Variants in CDK14 observed in about 807,000 individuals in gnomAD.
CDK14 encodes the protein cyclin dependent kinase 14, also known as cyclin-dependent kinase 14.
In CDK14, 34 loss-of-function variants were observed where a neutral mutation model predicts 60.7. That is an observed-to-expected ratio of 0.56 (90% confidence interval 0.43 to 0.75). CDK14 has a LOEUF of 0.75. Ranked by LOEUF, CDK14 falls within the 30% of genes least tolerant of loss-of-function variation. The pLI, the probability that CDK14 is intolerant of heterozygous loss-of-function variation, is 0.00. For synonymous variants in CDK14, 197 were observed against 203.7 expected (o/e 0.97, Z 0.28); for missense variants, 482 against 564.1 (o/e 0.85, Z 1.47).
At chr7:90,974,750 G>T (rs1236145829) in intron 9 of CDK14, among the ~76,000 whole-genome samples, 1 of 151,996 alleles carries the variant, frequency 6.6e-6, no homozygotes, top group African/African-American at 2.4e-5. Context: ...TTGAAAATAT[G>T]CATCAAATGC....
At chr7:90,826,114 A>G (rs1325611999) in intron 5 of CDK14, among the ~76,000 whole-genome samples, 3 of 152,232 alleles carry the variant, frequency 2.0e-5, no homozygotes, top group South Asian at 4.1e-4. Context: ...ACTAGGACAA[A>G]GCTCTTAAAT....
chr7:91,062,686 C>G (rs1797840906), intron 11 of CDK14, among the ~76,000 whole-genome samples: 1 of 152,142 alleles, frequency 6.6e-6, no homozygotes, highest in Admixed American at 6.5e-5. Flanking sequence ...AGGAGGTCCT[C>G]TCACTAGGGA....
At chr7:90,879,626 C>G (rs1429959081) in intron 6 of CDK14, among the ~76,000 whole-genome samples, 2 of 152,026 alleles carry the variant, frequency 1.3e-5, no homozygotes, top group African/African-American at 4.8e-5. Flanking sequence ...TCTGAGGCCT[C>G]TATTCTGTTC....
chr7:90,881,510 A>G (rs988584910), intron 6 of CDK14, among the ~76,000 whole-genome samples: 2 of 152,150 alleles, frequency 1.3e-5, no homozygotes, highest in African/African-American at 4.8e-5. Flanking sequence ...AGGAAAACAC[A>G]CTTCAGGATA....
chr7:90,729,308 T>TA (rs1802758784), intron 3 of CDK14, among the ~76,000 whole-genome samples: 1 of 149,880 alleles, frequency 6.7e-6, no homozygotes, highest in African/African-American at 2.4e-5. Context: ...GACTTATTTC[T>TA]TACTGGCTTA....
At chr7:90,719,717 A>G (rs570614354) in intron 2 of CDK14, among the ~76,000 whole-genome samples, 3 of 151,790 alleles carry the variant, frequency 2.0e-5, no homozygotes, top group African/African-American at 7.3e-5. Context: ...AATTTACTGG[A>G]AAAAAAAGTT....
chr7:90,643,013 G>A (rs915677006), intron 2 of CDK14, among the ~76,000 whole-genome samples: 7 of 152,184 alleles, frequency 4.6e-5, no homozygotes, highest in Non-Finnish European at 7.3e-5. Context: ...TCCACATCTC[G>A]TGGGGAAATA....
At chr7:90,820,248 T>A (rs1365812485) in intron 5 of CDK14, among the ~76,000 whole-genome samples, 1 of 152,194 alleles carries the variant, frequency 6.6e-6, no homozygotes, top group South Asian at 2.1e-4. Flanking sequence ...GGTTTTCCTC[T>A]CTTTCTGCTT....
chr7:90,880,774 A>G (rs1417901873), intron 6 of CDK14, among the ~76,000 whole-genome samples: 1 of 152,070 alleles, frequency 6.6e-6, no homozygotes, highest in Non-Finnish European at 1.5e-5. Flanking sequence ...TGACATCTCC[A>G]GGGACAGGAA....
intron 12 of CDK14, among the ~76,000 whole-genome samples, chr7:91,097,593 G>A (rs200065553): frequency 1.6e-4 from 23 of 148,120 alleles, no homozygotes; most frequent in African/African-American, 1.0e-4. Flanking sequence ...TTCATAATGA[G>A]AAAAAAAAAA....
chr7:90,689,804 T>G (rs2116582897), intron 2 of CDK14, among the ~76,000 whole-genome samples: 1 of 152,316 alleles, frequency 6.6e-6, no homozygotes, highest in South Asian at 2.1e-4. Context: ...TTAAATACTT[T>G]GAAGACATAA....
intron 5 of CDK14, among the ~76,000 whole-genome samples, chr7:90,857,484 G>A (rs1415015123): frequency 1.3e-5 from 2 of 152,168 alleles, no homozygotes; most frequent in Non-Finnish European, 2.9e-5. Context: ...CTAATTACAA[G>A]TCTTTTGCAT....
At chr7:91,007,348 G>T (rs1796007892) in intron 10 of CDK14, among the ~76,000 whole-genome samples, 1 of 152,154 alleles carries the variant, frequency 6.6e-6, no homozygotes, top group African/African-American at 2.4e-5. Flanking sequence ...TTATTCCCTG[G>T]AGAACAGTAT....
chr7:90,818,482 G>A (rs1407052135), intron 5 of CDK14, among the ~76,000 whole-genome samples: 1 of 152,142 alleles, frequency 6.6e-6, no homozygotes, highest in Non-Finnish European at 1.5e-5. Context: ...GGAATCACTG[G>A]CAGTTTAGTT....
intron 14 of CDK14, among the ~76,000 whole-genome samples, chr7:91,157,081 C>G (rs2518775): frequency 0.95 from 144,544 of 152,320 alleles, 68,621 homozygotes; most frequent in East Asian, 1. Flanking sequence ...GGGAATTTGG[C>G]TCTGAATTAG....
At chr7:90,951,403 A>G (rs1393633393) in intron 8 of CDK14, among the ~76,000 whole-genome samples, 1 of 152,162 alleles carries the variant, frequency 6.6e-6, no homozygotes, top group East Asian at 1.9e-4. Context: ...GAAAGATACT[A>G]TTTCTATACC....
intron 2 of CDK14, among the ~76,000 whole-genome samples, chr7:90,716,008 A>G (rs555345213): frequency 7.9e-5 from 12 of 152,080 alleles, no homozygotes; most frequent in Middle Eastern, 3.4e-3. Flanking sequence ...GTATGATATG[A>G]ATTCTGCACT....
chr7:90,895,034 A>G (rs541392985), intron 6 of CDK14, among the ~76,000 whole-genome samples: 14 of 151,904 alleles, frequency 9.2e-5, no homozygotes, highest in Non-Finnish European at 1.8e-4. Flanking sequence ...TAGTTTGACA[A>G]TGTGTTTTAA....
At chr7:91,162,797 G>C (rs1801211698) in intron 14 of CDK14, among the ~76,000 whole-genome samples, 1 of 152,158 alleles carries the variant, frequency 6.6e-6, no homozygotes, top group South Asian at 2.1e-4. Flanking sequence ...CAGACACAAG[G>C]CACATGGTAA....
Sources: gnomAD v4.1 joint callset for allele counts (sites outside exome capture counted in the v4.1 genomes callset) on GRCh38, gnomAD v4.1.1 for gene constraint, MANE v1.5 for transcripts, NCBI Gene and HGNC (gene_info 2026-07-23, HGNC 2026-07-21) for gene names.